The following GPATCH11 variants were observed in gnomAD, a reference collection of about 807,000 sequenced individuals.
GPATCH11 encodes the protein G patch domain-containing protein 11.
In GPATCH11, 32 loss-of-function variants were observed where a neutral mutation model predicts 44.8. That is an observed-to-expected ratio of 0.71 (90% CI 0.54 to 0.96). The LOEUF (loss-of-function observed/expected upper bound fraction) is 0.96. GPATCH11 is among the 40% of genes least tolerant of loss of function. The pLI is 0.00. For synonymous variants in GPATCH11, 84 were observed against 94.4 expected (o/e 0.89, Z 0.64); for missense variants, 324 against 303.1 (o/e 1.07, Z -0.51).
intron 2 of GPATCH11, 121 bp downstream of exon 2, chr2:37,088,561 G>T: frequency 1.8e-6 from 1 of 557,508 alleles, no homozygotes. Context: ...TGTTAGCAAG[G>T]CTGGAGTGCA....
intron 7 of GPATCH11, 66 bp from the exon 8 acceptor site, chr2:37,095,371 T>G (rs1673524288): frequency 6.5e-7 from 1 of 1,532,334 alleles, no homozygotes; most frequent in Non-Finnish European, 8.7e-7. Flanking sequence ...TTCGGCACGA[T>G]CTAAGAGCCA....
In GPATCH11 at chr2:37,090,689, AT is replaced by A. The variant is rs759051319; in HGVS notation, c.297del (p.Ile99MetfsTer22). ...TATTCATTCTCTTTAAGGGGGTGGT[AT>A]TGTTGAACCAATTCCTCTCAATATC... ...GQALGKSGGGIVEPIPLNIKT... is the reference protein window; with the variant it reads ...GQALGKSGGGXVEPIPLNIKT... On this transcript the variant is annotated frameshift_variant, in exon 4 of 9. Transcript: ENST00000674370. LOFTEE classifies it high-confidence loss of function. 6 of 1,472,160 alleles carry A rather than the reference AT, an allele frequency of 4.1e-6. No individual in the cohort carries two copies. In the South Asian group the frequency reaches 6.3e-5, roughly 15 times the overall value. The allele number at this position is 1,472,160 out of a possible 1,614,324, so 91.2% of individuals were successfully genotyped here.
chr2:37,094,178 AAG>A lies in GPATCH11; in HGVS notation c.640_641del (p.Ser214Ter). 1 of 1,553,898 alleles carries A rather than the reference AAG, an allele frequency of 6.4e-7. No individual in the cohort carries two copies. Among genetic ancestry groups the A allele is most frequent in the Non-Finnish European group, 8.7e-7 (1 of 1,145,360 alleles). On this transcript the variant is annotated frameshift_variant, in exon 7 of 9. Coordinates refer to ENST00000674370, the MANE Select transcript of GPATCH11 (RefSeq NM_174931.4). LOFTEE classifies it high-confidence loss of function. The part of the protein sequence containing the change: ...EEKEQDEDEY[K>X]SEDLSVLEKL... Reference sequence around the variant, plus strand: ...AAAAGAACAGGATGAAGATGAATATAAGAGTGAAGATTTAAGCGTATGCTTTG... The same window carrying A: ...AAAAGAACAGGATGAAGATGAATATAAGTGAAGATTTAAGCGTATGCTTTG...
In GPATCH11 at chr2:37,089,776, G is replaced by A; in HGVS notation, c.196G>A (p.Gly66Arg). 6.4e-7 allele frequency: 1 copy of A among 1,551,876 alleles called. No homozygotes were observed. The change falls in exon 3 of 9, where the codon GGG (glycine) becomes AGG (arginine). Residue 66 changes from glycine (G) to arginine (R), a missense_variant. Physicochemically the swap from Gly to Arg is moderately radical, Grantham distance 125. Coordinates refer to ENST00000674370, the MANE Select transcript of GPATCH11 (RefSeq NM_174931.4). ...KEEEQERRDI[G>R]LKNALGCENK... is the part of the protein sequence containing the mutation. The stretch of plus-strand genomic sequence containing the variant: ...AGAAGAACAAGAAAGACGTGACATT[G>A]GGTTGAAGAATGCACTAGGCTGTGA...
intron 3 of GPATCH11, among the ~76,000 whole-genome samples, chr2:37,090,450 C>T (rs1350259405): frequency 6.6e-6 from 1 of 152,198 alleles, no homozygotes; most frequent in Non-Finnish European, 1.5e-5. Flanking sequence ...TCTTAAAACT[C>T]CACCTTCAGG....
chr2:37,096,197 A>G lies in GPATCH11; in HGVS notation c.737-11A>G. ...TGTATTAATCTTTCATTTCCCTCAC[A>G]TAACTTACAGATAAAGAAGACCTAT... On this transcript the variant is annotated splice_polypyrimidine_tract_variant and intron_variant, in intron 8 of 8. Coordinates refer to ENST00000674370, the MANE Select transcript of GPATCH11 (RefSeq NM_174931.4). 1.3e-6 allele frequency: 2 copies of G among 1,534,954 alleles called. No individual in the cohort carries two copies. The highest frequency in any genetic ancestry group is 1.4e-5 in the African/African-American group (1 of 72,934).
At position 37,091,496 on chromosome 2, in the gene GPATCH11, G is replaced by C. The variant is rs533972905; in HGVS notation, c.329-420G>C. On this transcript the variant is annotated intron_variant, in intron 4 of 8. Transcript: ENST00000674370. ...GATTCCTGGAGCCCACAAGTTCGAG[G>C]TTACAGTGAGCCATGATTGTGCCAC... is the stretch of plus-strand genomic sequence containing the variant. Among the ~76,000 whole-genome samples the C allele has an allele frequency of 3.9e-5, 6 of 152,076 alleles. No individual in the cohort carries two copies. The East Asian group carries it at 5.8e-4, about 15-fold the overall frequency.
intron 4 of GPATCH11, among the ~76,000 whole-genome samples, chr2:37,091,216 T>C (rs1652973876): frequency 6.6e-6 from 1 of 151,612 alleles, no homozygotes; most frequent in Non-Finnish European, 1.5e-5. Context: ...CCCAGCTACT[T>C]GGGAGGCTGA....
chr2:37,096,139 T>G, intron 8 of GPATCH11, 69 bp from the exon 9 acceptor site: 1 of 938,822 alleles, frequency 1.1e-6, no homozygotes, highest in African/African-American at 1.7e-5. Flanking sequence ...ATGCATGTTA[T>G]GTTGAAATAA....
chr2:37,090,050 C>A (rs1019275490), intron 3 of GPATCH11, among the ~76,000 whole-genome samples, 184 bp downstream of exon 3: 1 of 152,216 alleles, frequency 6.6e-6, no homozygotes, highest in Admixed American at 6.5e-5. Context: ...ATTTTAGATA[C>A]CACATGTGCC....
Position 37,096,445 on chromosome 2 carries a change from C to T in GPATCH11, c.*182C>T. ...TGACTTGAAAAAAATAATGCAATGG[C>T]ATTTCAGAACACAAGTATCACAGAG... On this transcript the variant is annotated 3_prime_UTR_variant, in exon 9 of 9. Transcript: ENST00000674370. 1.8e-6 allele frequency: 1 copy of T among 564,870 alleles called. No homozygotes were observed. 35.0% of individuals were successfully genotyped at this position (564,870 alleles called of 1,614,324 possible).
At chr2:37,092,659 A>G (rs1302523040) in intron 6 of GPATCH11, among the ~76,000 whole-genome samples, 1 of 151,236 alleles carries the variant, frequency 6.6e-6, no homozygotes, top group East Asian at 1.9e-4. Context: ...TATAGTAACT[A>G]TAGTTTTATA....
At chr2:37,088,483 G>A (rs759950377) in intron 2 of GPATCH11, 43 bp downstream of exon 2, 3 of 898,142 alleles carry the variant, frequency 3.3e-6, no homozygotes, top group Non-Finnish European at 5.3e-6. Flanking sequence ...TGTATAAGAT[G>A]TGTAGATTAA....
In GPATCH11 at chr2:37,092,254, A is replaced by G; in HGVS notation, c.539A>G (p.Lys180Arg). Residue 180 changes from lysine to arginine, a missense_variant and splice_region_variant, in exon 6 of 9, where the codon AAA becomes AGA. Coordinates refer to ENST00000674370, the MANE Select transcript of GPATCH11 (RefSeq NM_174931.4). The part of the protein sequence containing the change: ...QRACQQLDVQ[K>R]NIQVPREAWY... ...GCCTGTCAACAACTGGATGTCCAGA[A>G]AGTAAGCCTTTTACCAGCTTTCAGT... 1 of 1,452,516 alleles carries G rather than the reference A, an allele frequency of 6.9e-7. No homozygotes were observed. The highest frequency in any genetic ancestry group is 9.1e-7 in the Non-Finnish European group (1 of 1,102,176). 90.0% of individuals were successfully genotyped at this position (1,452,516 alleles called of 1,614,324 possible).
chr2:37,084,539 G>T lies in GPATCH11; in HGVS notation c.-45G>T. On this transcript the variant is annotated 5_prime_UTR_variant, in exon 1 of 9. Transcript: ENST00000674370. Reference sequence around the variant, plus strand: ...GCGCATGCGCAGCGCGCGCTCTACGGCGCTGAACCGGGGCGAGCAGAGAGC... The same window carrying T: ...GCGCATGCGCAGCGCGCGCTCTACGTCGCTGAACCGGGGCGAGCAGAGAGC... 1 of 1,232,280 alleles carries T rather than the reference G, an allele frequency of 8.1e-7. No individual in the cohort carries two copies. The highest frequency in any genetic ancestry group is 1.0e-6 in the Non-Finnish European group (1 of 988,340). 76.3% of individuals were successfully genotyped at this position (1,232,280 alleles called of 1,614,324 possible).
intron 5 of GPATCH11, 40 bp from the exon 6 acceptor site, chr2:37,092,125 T>TA (rs1261783777): frequency 6.4e-7 from 1 of 1,562,526 alleles, no homozygotes. Flanking sequence ...TGGTTAAAGA[T>TA]AACGTAGACC....
In GPATCH11 at chr2:37,089,810, G is replaced by T; in HGVS notation, c.230G>T (p.Gly77Val). The T allele has an allele frequency of 1.3e-6, 2 of 1,551,800 alleles. No homozygotes were observed. Among genetic ancestry groups the T allele is most frequent in the Non-Finnish European group, 1.7e-6 (2 of 1,147,014 alleles). Residue 77 changes from glycine (G) to valine (V), a missense_variant, in exon 3 of 9, where the codon GGG (glycine) becomes GTG (valine). Coordinates refer to ENST00000674370, the MANE Select transcript of GPATCH11 (RefSeq NM_174931.4). ...LKNALGCENK[G>V]FALLQKMGYK... ...AATGCACTAGGCTGTGAAAACAAAGGGTTTGCCTTGCTCCAAAAGATGGGC... is the reference window on the plus strand; with the variant it reads ...AATGCACTAGGCTGTGAAAACAAAGTGTTTGCCTTGCTCCAAAAGATGGGC...
At chr2:37,092,124 A>G (rs756788525) in intron 5 of GPATCH11, 41 bp from the exon 6 acceptor site, 32 of 1,564,176 alleles carry the variant, frequency 2.0e-5, no homozygotes, top group African/African-American at 2.7e-5. Flanking sequence ...ATGGTTAAAG[A>G]TAACGTAGAC....
At position 37,097,935 on chromosome 2, in the gene GPATCH11, AATC is replaced by A. The variant is rs1326072242; in HGVS notation, c.*1675_*1677del. 1 of 152,250 alleles carries A rather than the reference AATC, an allele frequency of 6.6e-6. No homozygotes were observed. The highest frequency in any genetic ancestry group is 1.5e-5 in the Non-Finnish European group (1 of 68,050). 9.4% of individuals were successfully genotyped at this position (152,250 alleles called of 1,614,324 possible). A position where few individuals can be genotyped will look rare whatever the true frequency, so the allele number is the denominator to read the frequency against. The stretch of plus-strand genomic sequence containing the variant: ...GCCTCAGTTCTTCATCCAGAAAACT[AATC>A]ATTATTTTTATGAATGTAAATATGT... On this transcript the variant is annotated 3_prime_UTR_variant, in exon 9 of 9. Coordinates refer to ENST00000674370, the MANE Select transcript of GPATCH11 (RefSeq NM_174931.4).
Sources: gnomAD v4.1 joint callset for allele counts (sites outside exome capture counted in the v4.1 genomes callset) on GRCh38, gnomAD v4.1.1 for gene constraint, MANE v1.5 for transcripts, NCBI Gene and HGNC (gene_info 2026-07-23, HGNC 2026-07-21) for gene names.